Variants in PDXDC1 observed in about 807,000 individuals in gnomAD.
PDXDC1 encodes pyridoxal-dependent decarboxylase domain-containing protein 1.
A neutral mutation model predicts 100.1 loss-of-function variants in PDXDC1; 42 were observed. The ratio of observed to expected loss-of-function variants is 0.42; its 90% CI spans 0.33 to 0.54. PDXDC1 has a LOEUF of 0.54. PDXDC1 is among the 20% of genes least tolerant of loss of function. The pLI, the probability that PDXDC1 is intolerant of heterozygous loss-of-function variation, is 0.10. For missense variants in PDXDC1, 636 were observed against 979.2 expected, an observed-to-expected ratio of 0.65 and a Z score of 4.68; for synonymous variants, 260 against 371.7, an observed-to-expected ratio of 0.70 and a Z score of 3.46.
At position 15,001,845 on chromosome 16, in the gene PDXDC1, C is replaced by T. The variant is rs1399085348; in HGVS notation, c.231C>T (p.Pro77=). ...TGCATGGAGATGAAGATGAGGAGCC[C>T]CAGAGCCCCAGGTAATGAACCTGGC... is the stretch of plus-strand genomic sequence containing the variant. ...NLMHGDEDEE[P]QSPRIQNIGE... Residue 77 remains proline (P), a synonymous_variant, in exon 4 of 23, where the codon CCC becomes CCT. Transcript: ENST00000396410. 6 of 1,605,882 alleles carry T rather than the reference C, an allele frequency of 3.7e-6. No homozygotes were observed. Among genetic ancestry groups the T allele is most frequent in the Non-Finnish European group, 5.1e-6 (6 of 1,178,262 alleles).
chr16:15,032,009 TC>T, intron 17 of PDXDC1, 103 bp downstream of exon 17: 1 of 1,029,420 alleles, frequency 9.7e-7, no homozygotes. Flanking sequence ...GAACGTGTAG[TC>T]ACAATATGCT....
chr16:15,129,927 A>T, intron 16 of PDXDC1: 2 of 1,276,158 alleles, frequency 1.6e-6, no homozygotes, highest in South Asian at 2.5e-5. Flanking sequence ...TCGTACTTGA[A>T]GCGGCCCCGC....
intron 16 of PDXDC1, among the ~76,000 whole-genome samples, chr16:15,062,891 C>T (rs1244101520): frequency 2.0e-5 from 3 of 152,176 alleles, no homozygotes; most frequent in Non-Finnish European, 4.4e-5. Context: ...AAAACAGGGT[C>T]TTGCTCTGTT....
Position 15,068,551 on chromosome 16 carries a change from A to C in PDXDC1, c.1399+38495A>C, listed in dbSNP as rs1039481659. Among the ~76,000 whole-genome samples the C allele has an allele frequency of 3.3e-5, 5 of 152,174 alleles. No individual in the cohort carries two copies. In the South Asian group the frequency reaches 6.2e-4, roughly 19 times the overall value. On this transcript the variant is annotated intron_variant, in intron 16 of 16. Coordinates refer to the PDXDC1 transcript ENST00000535621. ...AAGATTCCACGACAATGTGAAATTC[A>C]TATGTTTGCAAGCTCAGTGTATGCT...
chr16:15,135,717 C>G (rs1292201981), intron 16 of PDXDC1: 3 of 1,595,286 alleles, frequency 1.9e-6, no homozygotes, highest in African/African-American at 2.7e-5. Context: ...AGGTTGGGGT[C>G]GTAGGACTCG....
At chr16:14,987,782 C>G (rs1459912262) in intron 1 of PDXDC1, among the ~76,000 whole-genome samples, 1 of 152,254 alleles carries the variant, frequency 6.6e-6, no homozygotes, top group African/African-American at 2.4e-5. Context: ...TGGCTAATTT[C>G]TGTATTTTTA....
downstream of PDXDC1, among the ~76,000 whole-genome samples, chr16:15,139,976 A>C (rs560766203): frequency 6.6e-6 from 1 of 151,110 alleles, no homozygotes; most frequent in South Asian, 2.1e-4. Context: ...GGAGCCTGTT[A>C]GTGCCAGCCA....
intron 6 of PDXDC1, 67 bp from the exon 7 acceptor site, chr16:15,008,712 G>A: frequency 1.4e-6 from 2 of 1,458,438 alleles, no homozygotes; most frequent in Non-Finnish European, 1.9e-6. Context: ...TAGAGCCACA[G>A]CCTTTCACAA....
the PDXDC1 span, among the ~76,000 whole-genome samples, chr16:15,147,398 T>G: frequency 6.6e-6 from 1 of 152,234 alleles, no homozygotes; most frequent in East Asian, 1.9e-4. Flanking sequence ...CTCAATTTCC[T>G]GGTCTGTAAA....
At chr16:14,991,110 A>T (rs1223676216) in intron 1 of PDXDC1, among the ~76,000 whole-genome samples, 1 of 152,284 alleles carries the variant, frequency 6.6e-6, no homozygotes, top group Admixed American at 6.5e-5. Flanking sequence ...AGAGTCAGAG[A>T]TTCACCTGGG....
chr16:15,032,000 A>C (rs941613341), intron 17 of PDXDC1, 94 bp downstream of exon 17: 18 of 1,107,906 alleles, frequency 1.6e-5, no homozygotes, highest in Non-Finnish European at 2.1e-5. Context: ...ATCCAAGATG[A>C]ACGTGTAGTC....
At position 15,036,414 on chromosome 16, in the gene PDXDC1, CTG is replaced by C; in HGVS notation, c.*140_*141del. The stretch of plus-strand genomic sequence containing the variant: ...CTGGGATTTTGGCACAAATATGTGC[CTG>C]AAAGGTAGGCTTTCTAGGAGGGGAG... On this transcript the variant is annotated 3_prime_UTR_variant, in exon 23 of 23. Transcript: ENST00000396410. 2 of 834,834 alleles carry C rather than the reference CTG, an allele frequency of 2.4e-6. No individual in the cohort carries two copies. Among genetic ancestry groups the C allele is most frequent in the Non-Finnish European group, 3.7e-6 (2 of 534,130 alleles). The allele number at this position is 834,834 out of a possible 1,614,324, so 51.7% of individuals were successfully genotyped here. A position where few individuals can be genotyped will look rare whatever the true frequency, so the allele number is the denominator to read the frequency against.
chr16:15,130,460 C>T lies in PDXDC1; in HGVS notation c.1400-8419C>T, dbSNP rs2966195. The T allele has an allele frequency of 3.3e-5, 47 of 1,436,984 alleles. 1 individual carries two copies. The highest frequency in any genetic ancestry group is 4.4e-5 in the Non-Finnish European group (45 of 1,023,420). The allele number at this position is 1,436,984 out of a possible 1,614,324, so 89.0% of individuals were successfully genotyped here. A position where few individuals can be genotyped will look rare whatever the true frequency, so the allele number is the denominator to read the frequency against. ...TCCCCACTGGGTCTCTGGTCCTGGG[C>T]AGGGAAGGGGCAGTGGACGTGAGCC... On this transcript the variant is annotated intron_variant, in intron 16 of 16. Coordinates refer to the PDXDC1 transcript ENST00000535621.
At chr16:15,031,982 C>T in intron 17 of PDXDC1, 76 bp downstream of exon 17, 1 of 1,230,636 alleles carries the variant, frequency 8.1e-7, no homozygotes, top group Non-Finnish European at 1.2e-6. Context: ...TTCTGAACCA[C>T]CTTAGAAATC....
chr16:15,067,582 C>A (rs1174424964), intron 16 of PDXDC1, among the ~76,000 whole-genome samples: 1 of 149,916 alleles, frequency 6.7e-6, no homozygotes, highest in African/African-American at 2.4e-5. Context: ...CAGTTTATTT[C>A]TATTACTATT....
intron 3 of PDXDC1, among the ~76,000 whole-genome samples, chr16:14,999,409 G>C (rs9934684): frequency 0.33 from 39,110 of 120,266 alleles, 3,985 homozygotes; most frequent in East Asian, 0.57. Context: ...AACCTCATGA[G>C]TCAAAAGTGA....
At chr16:14,977,348 C>G (rs1398564753) in intron 1 of PDXDC1, among the ~76,000 whole-genome samples, 1 of 138,208 alleles carries the variant, frequency 7.2e-6, no homozygotes, top group Non-Finnish European at 1.5e-5. Context: ...GAGGCGATCT[C>G]GGATCCCTGC....
downstream of PDXDC1, among the ~76,000 whole-genome samples, chr16:15,140,157 G>A (rs1219201307): frequency 2.7e-5 from 4 of 149,216 alleles, no homozygotes; most frequent in Admixed American, 1.3e-4. Context: ...AAGGAGAAGG[G>A]GAAAGAGCCG....
intron 1 of PDXDC1, among the ~76,000 whole-genome samples, chr16:14,983,129 A>G (rs1319939034): frequency 6.6e-6 from 1 of 152,274 alleles, no homozygotes; most frequent in Non-Finnish European, 1.5e-5. Context: ...AAGTCCTAAA[A>G]GTCCCCCAAA....
Sources: gnomAD v4.1 joint callset for allele counts (sites outside exome capture counted in the v4.1 genomes callset) on GRCh38, gnomAD v4.1.1 for gene constraint, MANE v1.5 for transcripts, NCBI Gene and HGNC (gene_info 2026-07-23, HGNC 2026-07-21) for gene names.